The following NTRK2 variants were observed in gnomAD, a reference collection of about 807,000 sequenced individuals.
The protein encoded by NTRK2 is BDNF/NT-3 growth factors receptor.
In NTRK2, 13 loss-of-function variants were observed where a neutral mutation model predicts 94.5. The observed-to-expected ratio is 0.14, with a 90% CI of 0.09 to 0.22. The LOEUF (loss-of-function observed/expected upper bound fraction) is 0.22, where lower values mean the gene tolerates loss of function less well. Among genes scored for constraint, NTRK2 ranks in the 10% least tolerant of loss-of-function variants. The probability of loss-of-function intolerance (pLI) is 1.00; values close to 1 mark genes in which losing one functional copy is unlikely to be tolerated. For synonymous variants in NTRK2, 372 were observed against 407.4 expected (o/e 0.91, Z 1.05); for missense variants, 639 against 1,071.2 (o/e 0.60, Z 5.63).
intron 6 of NTRK2, among the ~76,000 whole-genome samples, chr9:84,720,729 A>T (rs577730410): frequency 6.6e-6 from 1 of 152,334 alleles, no homozygotes; most frequent in East Asian, 1.9e-4. Context: ...TCAAGAAATG[A>T]TTATAAATAT....
intron 17 of NTRK2, among the ~76,000 whole-genome samples, chr9:84,982,926 TTTTC>T (rs1827833611): frequency 6.6e-6 from 1 of 152,168 alleles, no homozygotes; most frequent in Non-Finnish European, 1.5e-5. Flanking sequence ...TTATATAGAT[TTTTC>T]TTTCTTAGAG....
chr9:84,850,143 T>G (rs967385656), intron 12 of NTRK2, among the ~76,000 whole-genome samples: 5 of 152,092 alleles, frequency 3.3e-5, no homozygotes, highest in African/African-American at 1.2e-4. Flanking sequence ...ACTTTTAATG[T>G]GAATTTTGTT....
intron 17 of NTRK2, among the ~76,000 whole-genome samples, chr9:84,978,205 G>A (rs905583976): frequency 5.9e-5 from 9 of 152,180 alleles, no homozygotes; most frequent in Admixed American, 2.0e-4. Flanking sequence ...AAGGCATGTC[G>A]AAAGCCATGG....
chr9:84,885,770 G>T (rs983589959), intron 14 of NTRK2, among the ~76,000 whole-genome samples: 4 of 152,236 alleles, frequency 2.6e-5, no homozygotes, highest in African/African-American at 9.6e-5. Context: ...GCTCACGCCT[G>T]TAATCTCAGC....
At chr9:84,830,553 G>A (rs984778778) in intron 12 of NTRK2, among the ~76,000 whole-genome samples, 2 of 151,918 alleles carry the variant, frequency 1.3e-5, no homozygotes, top group Non-Finnish European at 2.9e-5. Flanking sequence ...GTGTGTGTGT[G>A]TGTGTGTGTG....
At chr9:84,916,994 C>T (rs553158625) in intron 14 of NTRK2, among the ~76,000 whole-genome samples, 7 of 152,164 alleles carry the variant, frequency 4.6e-5, no homozygotes, top group Non-Finnish European at 1.0e-4. Flanking sequence ...CTGTCACACT[C>T]CCTTCTCCTG....
In NTRK2 at chr9:84,706,531, T is replaced by TG. The variant is rs1351532693; in HGVS notation, c.360-1313_360-1312insG. Among the ~76,000 whole-genome samples, 14 of 107,442 alleles carry TG rather than the reference T, an allele frequency of 1.3e-4. No homozygotes were observed. In the East Asian group the frequency reaches 3.1e-3, roughly 24 times the overall value. 70.5% of individuals were successfully genotyped at this position (107,442 alleles called of 152,430 possible). ...TGTGTGTTATTTTTTGTTTTTGTTT[T>TG]TTTTTTTTTTTTTTTTGAGACGGAG... On this transcript the variant is annotated intron_variant, in intron 4 of 18. Coordinates refer to ENST00000277120, the MANE Select transcript of NTRK2 (RefSeq NM_006180.6).
At chr9:84,812,516 T>C in intron 12 of NTRK2, 3 of 1,047,830 alleles carry the variant, frequency 2.9e-6, no homozygotes, top group Non-Finnish European at 3.5e-6. Flanking sequence ...TTTCTGTCAT[T>C]ACTTAGATTC....
At position 85,023,111 on chromosome 9, in the gene NTRK2, T is replaced by C. The variant is rs1588213808; in HGVS notation, c.*1674T>C. 2 of 233,018 alleles carry C rather than the reference T, an allele frequency of 8.6e-6. No homozygotes were observed. The highest frequency in any genetic ancestry group is 1.1e-4 in the Admixed American group (2 of 17,782). The allele number at this position is 233,018 out of a possible 1,614,324, so 14.4% of individuals were successfully genotyped here. Reference sequence around the variant, plus strand: ...CCCAGACCAAGCACTGGAAGTGTGCTTCTAGGCATAGTCATTGGTTTTGCA... The same window carrying C: ...CCCAGACCAAGCACTGGAAGTGTGCCTCTAGGCATAGTCATTGGTTTTGCA... On this transcript the variant is annotated 3_prime_UTR_variant, in exon 19 of 19. Transcript: ENST00000277120.
chr9:84,926,165 C>CCTTT (rs1564471045), intron 14 of NTRK2, among the ~76,000 whole-genome samples: 19 of 48,416 alleles, frequency 3.9e-4, no homozygotes, highest in African/African-American at 1.2e-3. Context: ...TTCCTTCCTT[C>CCTTT]CTTCCTTTCT....
chr9:84,773,157 G>A (rs1488495844), intron 12 of NTRK2, among the ~76,000 whole-genome samples: 6 of 152,114 alleles, frequency 3.9e-5, no homozygotes, highest in Non-Finnish European at 8.8e-5. Context: ...AAACATTCTG[G>A]TCTCCTGGCC....
intron 17 of NTRK2, among the ~76,000 whole-genome samples, chr9:85,001,822 G>C (rs894847402): frequency 6.6e-6 from 1 of 152,230 alleles, no homozygotes; most frequent in Non-Finnish European, 1.5e-5. Flanking sequence ...GACTGACACA[G>C]AGCCTTCTCT....
At chr9:84,796,861 T>C (rs2133291578) in intron 12 of NTRK2, among the ~76,000 whole-genome samples, 1 of 152,332 alleles carries the variant, frequency 6.6e-6, no homozygotes, top group African/African-American at 2.4e-5. Context: ...TCATATAATC[T>C]TAAATTATTT....
At chr9:84,886,727 C>T (rs1234234488) in intron 14 of NTRK2, among the ~76,000 whole-genome samples, 4 of 152,180 alleles carry the variant, frequency 2.6e-5, no homozygotes. Context: ...ACACTTTCTC[C>T]TTGAGCTGAC....
intron 11 of NTRK2, among the ~76,000 whole-genome samples, chr9:84,747,983 A>G (rs2064244540): frequency 6.6e-6 from 1 of 152,188 alleles, no homozygotes; most frequent in Non-Finnish European, 1.5e-5. Context: ...AGAGTTCTTG[A>G]TCACAGGAGG....
intron 14 of NTRK2, among the ~76,000 whole-genome samples, chr9:84,927,946 A>G (rs2077882080): frequency 6.6e-6 from 1 of 152,206 alleles, no homozygotes; most frequent in African/African-American, 2.4e-5. Flanking sequence ...GTCATCTGTA[A>G]AATAAGTGTG....
intron 9 of NTRK2, among the ~76,000 whole-genome samples, chr9:84,728,610 G>T (rs184712755): frequency 6.6e-6 from 1 of 152,192 alleles, no homozygotes; most frequent in East Asian, 1.9e-4. Context: ...GGAGAATTCT[G>T]GTTTCTCATC....
chr9:84,833,554 A>C (rs956014141), intron 12 of NTRK2, among the ~76,000 whole-genome samples: 4 of 151,840 alleles, frequency 2.6e-5, no homozygotes, highest in African/African-American at 9.7e-5. Context: ...GAAAGAAAAA[A>C]GAAGGAAGAA....
At chr9:84,768,524 C>A (rs567844492) in intron 12 of NTRK2, among the ~76,000 whole-genome samples, 1 of 152,234 alleles carries the variant, frequency 6.6e-6, no homozygotes, top group East Asian at 1.9e-4. Context: ...GTGGCAGGTA[C>A]TGTAGTTACT....
Sources: gnomAD v4.1 joint callset for allele counts (sites outside exome capture counted in the v4.1 genomes callset) on GRCh38, gnomAD v4.1.1 for gene constraint, MANE v1.5 for transcripts, NCBI Gene and HGNC (gene_info 2026-07-23, HGNC 2026-07-21) for gene names.